Variants in NEDD4 observed in about 807,000 individuals in gnomAD.
The protein encoded by NEDD4 is NEDD4 E3 ubiquitin protein ligase, also known as E3 ubiquitin-protein ligase NEDD4.
NEDD4 carries 99 observed loss-of-function variants against 144.9 expected under a neutral mutation model. That is an observed-to-expected ratio of 0.68 (90% CI 0.58 to 0.81). NEDD4 has a LOEUF of 0.81. Among genes scored for constraint, NEDD4 ranks in the 30% least tolerant of loss-of-function variants. The pLI is 0.00. For missense variants in NEDD4, 985 were observed against 1,065.9 expected, an observed-to-expected ratio of 0.92 and a Z score of 1.06; for synonymous variants, 318 against 350.6, an observed-to-expected ratio of 0.91 and a Z score of 1.04.
chr15:55,987,000 C>G (rs1332760673), intron 1 of NEDD4, among the ~76,000 whole-genome samples: 1 of 150,180 alleles, frequency 6.7e-6, no homozygotes, highest in African/African-American at 2.5e-5. Context: ...AATGGGATGG[C>G]TGGGTCAAAT....
intron 2 of NEDD4, among the ~76,000 whole-genome samples, chr15:55,964,845 G>A (rs1352454446): frequency 6.6e-6 from 1 of 151,950 alleles, no homozygotes; most frequent in East Asian, 1.9e-4. Context: ...TAGGGTCATG[G>A]GAGCAAATCC....
intron 1 of NEDD4, among the ~76,000 whole-genome samples, chr15:55,984,512 T>C (rs1016690306): frequency 6.6e-6 from 1 of 152,242 alleles, no homozygotes; most frequent in African/African-American, 2.4e-5. Flanking sequence ...GTTGACTCTT[T>C]TTCCCAAAGG....
At chr15:55,837,644 TTTAGTTAATATAAAAATATAA>T (rs1266544722) in intron 24 of NEDD4, 124 bp downstream of exon 24, 1 of 543,306 alleles carries the variant, frequency 1.8e-6, no homozygotes, top group East Asian at 3.0e-5. Flanking sequence ...GAATGGAATA[TTTAGTTAATATAAAAATATAA>T]TTTAGAATGA....
chr15:55,852,378 A>G (rs1308151399), intron 13 of NEDD4, 46 bp downstream of exon 13: 22 of 1,585,346 alleles, frequency 1.4e-5, no homozygotes, highest in Non-Finnish European at 1.9e-5. Context: ...TAGGGATGTG[A>G]CAGTTTAAAT....
intron 5 of NEDD4, among the ~76,000 whole-genome samples, chr15:55,903,574 C>T (rs2035980499): frequency 6.6e-6 from 1 of 152,102 alleles, no homozygotes; most frequent in South Asian, 2.1e-4. Flanking sequence ...CCTGTAATCC[C>T]AGCACTTTGG....
chr15:55,968,197 G>C (rs540370365), intron 1 of NEDD4, among the ~76,000 whole-genome samples: 1 of 151,870 alleles, frequency 6.6e-6, no homozygotes, highest in East Asian at 1.9e-4. Context: ...ATAGAGAGGA[G>C]TAAAAATGAG....
At chr15:55,890,749 C>T (rs1451844890) in intron 5 of NEDD4, among the ~76,000 whole-genome samples, 1 of 152,190 alleles carries the variant, frequency 6.6e-6, no homozygotes, top group African/African-American at 2.4e-5. Context: ...GTTGCTGCAT[C>T]ATTTTACATT....
chr15:55,860,825 A>T (rs1455859643), intron 9 of NEDD4, 47 bp from the exon 10 acceptor site: 1 of 1,499,168 alleles, frequency 6.7e-7, no homozygotes, highest in Non-Finnish European at 9.2e-7. Context: ...TAAGTAGTTA[A>T]AATGATTGTC....
chr15:55,975,745 T>C (rs1212609243), intron 1 of NEDD4, among the ~76,000 whole-genome samples: 1 of 151,976 alleles, frequency 6.6e-6, no homozygotes, highest in Non-Finnish European at 1.5e-5. Context: ...CCTATCACAA[T>C]ACCAATGACA....
At chr15:55,993,002 T>C (rs1167992511) in intron 1 of NEDD4, among the ~76,000 whole-genome samples, 1 of 152,132 alleles carries the variant, frequency 6.6e-6, no homozygotes, top group Non-Finnish European at 1.5e-5. Flanking sequence ...TTAAAAAGGA[T>C]TTCAGATAAA....
intron 5 of NEDD4, among the ~76,000 whole-genome samples, chr15:55,885,910 T>C (rs1291371721): frequency 1.3e-5 from 2 of 150,444 alleles, no homozygotes; most frequent in African/African-American, 4.9e-5. Flanking sequence ...AGTGGCTGAA[T>C]AGATTTAAAA....
chr15:55,965,597 A>G (rs1241232519), intron 2 of NEDD4, among the ~76,000 whole-genome samples: 9 of 152,222 alleles, frequency 5.9e-5, no homozygotes, highest in African/African-American at 2.2e-4. Context: ...GAGATTCAGT[A>G]AATCAACAAT....
At position 55,915,393 on chromosome 15, in the gene NEDD4, C is replaced by A. The variant is rs753758689; in HGVS notation, c.291+9253G>T. The A allele has an allele frequency of 1.9e-6, 3 of 1,613,774 alleles. No homozygotes were observed. In the South Asian group the frequency reaches 3.3e-5, roughly 18 times the overall value. On this transcript the variant is annotated intron_variant, in intron 5 of 28. Transcript: ENST00000435532. ...AAACTTTATGAGTAACTGAGATGGT[C>A]CCCCTTTAGAACAATTGTGCTTAAG...
intron 1 of NEDD4, among the ~76,000 whole-genome samples, chr15:55,967,456 GTGTGTGTGTGTGTGTGTGTA>G (rs1327794374): frequency 1.3e-5 from 2 of 150,746 alleles, no homozygotes; most frequent in East Asian, 2.0e-4. Context: ...GTGTGTGTGT[GTGTGTGTGTGTGTGTGTGTA>G]TGTGTGTGTA....
chr15:55,918,745 C>T (rs1214799057), intron 5 of NEDD4, among the ~76,000 whole-genome samples: 3 of 152,072 alleles, frequency 2.0e-5, no homozygotes, highest in African/African-American at 7.2e-5. Flanking sequence ...TAGTTGAAAA[C>T]TTAGTAATAC....
At chr15:55,915,267 G>T in intron 5 of NEDD4, 1 of 1,538,026 alleles carries the variant, frequency 6.5e-7, no homozygotes, top group South Asian at 1.3e-5. Context: ...CATTTACCAA[G>T]ACCAAAGGAA....
At chr15:55,957,143 T>C (rs2037351203) in intron 2 of NEDD4, among the ~76,000 whole-genome samples, 2 of 152,220 alleles carry the variant, frequency 1.3e-5, no homozygotes, top group Non-Finnish European at 2.9e-5. Context: ...AACACTGACT[T>C]TGCATTTTGT....
intron 4 of NEDD4, among the ~76,000 whole-genome samples, chr15:55,931,517 AAAAAAT>A (rs1245225566): frequency 1.3e-5 from 2 of 152,252 alleles, no homozygotes; most frequent in African/African-American, 4.8e-5. Context: ...AAAAGCAGAA[AAAAAAT>A]AAAAATATCA....
chr15:55,967,460 GTGTGTGTGTGTGTGTA>G (rs1235223263), intron 1 of NEDD4, among the ~76,000 whole-genome samples: 8 of 151,042 alleles, frequency 5.3e-5, no homozygotes, highest in East Asian at 3.9e-4. Context: ...GTGTGTGTGT[GTGTGTGTGTGTGTGTA>G]TGTGTGTGTA....
Sources: allele counts gnomAD v4.1 joint callset (sites outside exome capture counted in the v4.1 genomes callset), GRCh38; gene constraint gnomAD v4.1.1; transcripts MANE v1.5; gene names NCBI Gene and HGNC (gene_info 2026-07-23, HGNC 2026-07-21).